The following PRKCQ variants were observed in gnomAD, a reference collection of about 807,000 sequenced individuals.
PRKCQ encodes the protein protein kinase C theta.
A neutral mutation model predicts 91.2 loss-of-function variants in PRKCQ; 41 were observed. The ratio of observed to expected loss-of-function variants is 0.45; its 90% CI spans 0.35 to 0.58. The LOEUF is 0.58. Ranked by LOEUF, PRKCQ falls within the 20% of genes least tolerant of loss-of-function variation. The pLI, the probability that PRKCQ is intolerant of heterozygous loss-of-function variation, is 0.00. For missense variants in PRKCQ, 673 were observed against 896.5 expected (o/e 0.75, Z 3.18); for synonymous variants, 307 against 316.9 (o/e 0.97, Z 0.33).
chr10:6,547,127 G>A lies in PRKCQ; in HGVS notation c.-9-31983C>T, dbSNP rs541198400. 2.4e-4 allele frequency among the ~76,000 whole-genome samples: 36 copies of A among 152,164 alleles called. 1 individual carries two copies. The highest frequency in any genetic ancestry group is 6.3e-4 in the African/African-American group (26 of 41,510). ...AGCTTTTTGATGTGCTGCTGGATTC[G>A]GTTTGCCAGTATTTTATTGAGGATT... is the stretch of plus-strand genomic sequence containing the variant. On this transcript the variant is annotated intron_variant, in intron 1 of 17. Transcript: ENST00000263125.
intron 4 of PRKCQ, among the ~76,000 whole-genome samples, chr10:6,505,126 C>T (rs536218367): frequency 6.6e-6 from 1 of 152,252 alleles, no homozygotes; most frequent in African/African-American, 2.4e-5. Context: ...GTCTCCTGAC[C>T]TCGGATCCAC....
chr10:6,414,749 T>C, the PRKCQ span, among the ~76,000 whole-genome samples: 2 of 139,094 alleles, frequency 1.4e-5, no homozygotes, highest in African/African-American at 5.4e-5. Context: ...TCTGAAAACA[T>C]AGCAATAGAA....
intron 1 of PRKCQ, among the ~76,000 whole-genome samples, chr10:6,578,433 C>T (rs1368874919): frequency 1.3e-5 from 2 of 152,150 alleles, no homozygotes; most frequent in East Asian, 3.8e-4. Flanking sequence ...AGAAGAAAAT[C>T]GCAGGTCACT....
chr10:6,482,680 C>T (rs897920596), intron 11 of PRKCQ, among the ~76,000 whole-genome samples: 10 of 152,108 alleles, frequency 6.6e-5, no homozygotes, highest in Admixed American at 2.0e-4. Context: ...AAGACATGCC[C>T]GAGACTGGAT....
chr10:6,488,163 T>A (rs1030444484), intron 8 of PRKCQ, among the ~76,000 whole-genome samples: 2 of 152,196 alleles, frequency 1.3e-5, no homozygotes, highest in African/African-American at 4.8e-5. Flanking sequence ...TATCTGCTGA[T>A]TTGCACATGT....
In PRKCQ at chr10:6,576,831, G is replaced by A. The variant is rs970041067; in HGVS notation, c.-10+3380C>T. Among the ~76,000 whole-genome samples, 1 of 146,576 alleles carries A rather than the reference G, an allele frequency of 6.8e-6. No individual in the cohort carries two copies. Among genetic ancestry groups the A allele is most frequent in the Non-Finnish European group, 1.5e-5 (1 of 67,998 alleles). On this transcript the variant is annotated intron_variant, in intron 1 of 17. Transcript: ENST00000263125. This position sits in a 1 kb window ranked among gnomAD's most constrained non-coding sequence, Gnocchi z 4.2. ...AACTAACCTGACTCTACCACTGACT[G>A]GTTATAAGACCTGGACAAGGGGCTC...
chr10:6,542,415 A>G (rs984920606), intron 1 of PRKCQ, among the ~76,000 whole-genome samples: 4 of 152,220 alleles, frequency 2.6e-5, no homozygotes, highest in African/African-American at 9.7e-5. Flanking sequence ...TAACCTGCAT[A>G]CAGTAAATAC....
chr10:6,544,971 T>A (rs1031145301), intron 1 of PRKCQ, among the ~76,000 whole-genome samples: 1 of 112,998 alleles, frequency 8.8e-6, no homozygotes, highest in Non-Finnish European at 1.8e-5. Flanking sequence ...AAGTCTGCTA[T>A]TATTTCCTTT....
intron 4 of PRKCQ, among the ~76,000 whole-genome samples, chr10:6,503,054 AG>A (rs1426852632): frequency 1.3e-5 from 2 of 152,128 alleles, no homozygotes; most frequent in Admixed American, 1.3e-4. Context: ...GGAGAATGAG[AG>A]GGGAGAATGC....
intron 15 of PRKCQ, among the ~76,000 whole-genome samples, chr10:6,444,442 A>C (rs1834136063): frequency 6.6e-6 from 1 of 152,224 alleles, no homozygotes; most frequent in South Asian, 2.1e-4. Flanking sequence ...ATTAAAAACA[A>C]AACCCTAGGA....
At chr10:6,537,803 C>A (rs935137182) in intron 1 of PRKCQ, among the ~76,000 whole-genome samples, 1 of 152,226 alleles carries the variant, frequency 6.6e-6, no homozygotes, top group Non-Finnish European at 1.5e-5. Context: ...AGAAGCCACA[C>A]ATTTTGACTT....
chr10:6,566,884 G>A (rs566970021), intron 1 of PRKCQ, among the ~76,000 whole-genome samples: 1 of 152,176 alleles, frequency 6.6e-6, no homozygotes, highest in Non-Finnish European at 1.5e-5. Flanking sequence ...AAATCGGAGT[G>A]CTTAGGGCTC....
Position 6,543,119 on chromosome 10 carries a change from G to A in PRKCQ, c.-9-27975C>T, listed in dbSNP as rs370619203. ...TGGAGAGCTCAGCCCTTTCAAGCCTGGCAGGGAGGCAAGGGCTCCTCACCA... is the reference window on the plus strand; with the variant it reads ...TGGAGAGCTCAGCCCTTTCAAGCCTAGCAGGGAGGCAAGGGCTCCTCACCA... On this transcript the variant is annotated intron_variant, in intron 1 of 17. Coordinates refer to ENST00000263125, the MANE Select transcript of PRKCQ (RefSeq NM_006257.5). 1.1e-4 allele frequency among the ~76,000 whole-genome samples: 17 copies of A among 152,306 alleles called. No individual in the cohort carries two copies. In the South Asian group the frequency reaches 3.3e-3, roughly 30 times the overall value.
intron 1 of PRKCQ, among the ~76,000 whole-genome samples, chr10:6,517,233 G>T (rs778088017): frequency 7.9e-5 from 12 of 152,008 alleles, no homozygotes; most frequent in Non-Finnish European, 1.6e-4. Flanking sequence ...GAAAAATAAA[G>T]AAGACACACA....
chr10:6,555,718 G>T (rs549155123), intron 1 of PRKCQ, among the ~76,000 whole-genome samples: 21 of 152,126 alleles, frequency 1.4e-4, no homozygotes, highest in African/African-American at 5.1e-4. Flanking sequence ...AAAAAAACAG[G>T]GTATGGGCCA....
At chr10:6,468,345 T>TGAGAATAAA (rs1209716813) in intron 12 of PRKCQ, among the ~76,000 whole-genome samples, 1 of 152,198 alleles carries the variant, frequency 6.6e-6, no homozygotes, top group African/African-American at 2.4e-5. Context: ...AAGGAGAGAA[T>TGAGAATAAA]GAGAATAAAG....
intron 12 of PRKCQ, among the ~76,000 whole-genome samples, chr10:6,478,439 G>T (rs981228037): frequency 2.6e-5 from 4 of 152,138 alleles, no homozygotes; most frequent in Admixed American, 6.5e-5. Context: ...CAGGATGCAA[G>T]TCCTCCCAGA....
At chr10:6,491,109 T>C (rs543029707) in intron 8 of PRKCQ, among the ~76,000 whole-genome samples, 6 of 152,166 alleles carry the variant, frequency 3.9e-5, no homozygotes, top group Admixed American at 2.0e-4. Context: ...GCAATGACGG[T>C]CACAACCGGG....
At chr10:6,560,085 T>G (rs1840571832) in intron 1 of PRKCQ, among the ~76,000 whole-genome samples, 1 of 152,222 alleles carries the variant, frequency 6.6e-6, no homozygotes, top group South Asian at 2.1e-4. Flanking sequence ...CCTGACATGT[T>G]AGGTGTTTGA....
Sources: allele counts gnomAD v4.1 joint callset (sites outside exome capture counted in the v4.1 genomes callset), GRCh38; gene constraint gnomAD v4.1.1; non-coding constraint Gnocchi (gnomAD v3.1); transcripts MANE v1.5; gene names NCBI Gene and HGNC (gene_info 2026-07-23, HGNC 2026-07-21).